The following MTUS2 variants were observed in gnomAD, a reference collection of about 807,000 sequenced individuals.
MTUS2 encodes microtubule-associated tumor suppressor candidate 2.
In MTUS2, 40 loss-of-function variants were observed where a neutral mutation model predicts 114.1. The ratio of observed to expected loss-of-function variants is 0.35; its 90% CI spans 0.27 to 0.46. The LOEUF is 0.46. Ranked by LOEUF, MTUS2 falls within the 20% of genes least tolerant of loss-of-function variation. The pLI, the probability that MTUS2 is intolerant of heterozygous loss-of-function variation, is 1.00. For synonymous variants in MTUS2, 688 were observed against 672.0 expected (o/e 1.02, Z -0.37); for missense variants, 1,679 against 1,705.4 (o/e 0.98, Z 0.27).
intron 6 of MTUS2, among the ~76,000 whole-genome samples, chr13:29,302,454 G>A (rs957879407): frequency 2.6e-5 from 4 of 152,138 alleles, no homozygotes; most frequent in African/African-American, 9.7e-5. Context: ...CACACACACA[G>A]TCCCAGGAGT....
intron 2 of MTUS2, among the ~76,000 whole-genome samples, chr13:29,015,007 T>C (rs7996643): frequency 0.067 from 10,197 of 152,198 alleles, 416 homozygotes; most frequent in African/African-American, 0.1. Context: ...AGGTGCACTG[T>C]GCTAGGGGAA....
rs578164574 is a variant in MTUS2 at position 29,026,204 on chromosome 13, C to T, written c.1506C>T (p.Val502=). 8.1e-6 allele frequency: 13 copies of T among 1,613,976 alleles called. No homozygotes were observed. The South Asian group carries it at 1.2e-4, about 15-fold the overall frequency. ...CAGAAGCACGGGAAAGCAAAGAGGT[C>T]ACCACATCTGTTGCTGAAAACAGGA... is the stretch of plus-strand genomic sequence containing the variant. ...GRSEARESKE[V]TTSVAENRNL... Residue 502 remains valine (V), a synonymous_variant, in exon 3 of 16, where the codon GTC becomes GTT. Coordinates refer to ENST00000612955, the MANE Select transcript of MTUS2 (RefSeq NM_001033602.4).
At position 29,088,175 on chromosome 13, in the gene MTUS2, A is replaced by T. The variant is rs536150696; in HGVS notation, c.2447-12598A>T. 2.0e-4 allele frequency among the ~76,000 whole-genome samples: 31 copies of T among 151,730 alleles called. No homozygotes were observed. The South Asian group carries it at 6.5e-3, about 32-fold the overall frequency. ...TGTCCCAGAGATTCTGGTATGTTGT[A>T]TGTTTGTTTTCATTAGTTTCAAAGA... is the stretch of plus-strand genomic sequence containing the variant. On this transcript the variant is annotated intron_variant, in intron 4 of 15. Transcript: ENST00000612955.
chr13:28,954,449 C>G (rs976198261), intron 2 of MTUS2, among the ~76,000 whole-genome samples: 1 of 152,172 alleles, frequency 6.6e-6, no homozygotes. Context: ...AGTTTCTTCT[C>G]TCATTAGTCC....
intron 2 of MTUS2, among the ~76,000 whole-genome samples, chr13:28,989,548 G>A (rs1884731906): frequency 6.6e-6 from 1 of 152,234 alleles, no homozygotes; most frequent in Non-Finnish European, 1.5e-5. Context: ...TGTTGGGGAT[G>A]GGAATGGAGG....
At chr13:28,941,930 G>A (rs71433292) in intron 2 of MTUS2, among the ~76,000 whole-genome samples, 6,107 of 152,128 alleles carry the variant, frequency 0.04, 142 homozygotes, top group Admixed American at 0.046. Flanking sequence ...CAGATCTTTC[G>A]TCTTTCAAAT....
chr13:29,292,305 C>G (rs1042597776), intron 6 of MTUS2, among the ~76,000 whole-genome samples: 1 of 152,200 alleles, frequency 6.6e-6, no homozygotes. Context: ...GTCCACTCAA[C>G]GTGTACCTAC....
intron 5 of MTUS2, among the ~76,000 whole-genome samples, chr13:29,235,574 G>A (rs900815205): frequency 6.6e-6 from 1 of 152,042 alleles, no homozygotes; most frequent in Non-Finnish European, 1.5e-5. Flanking sequence ...TAAACGTGTG[G>A]TCTGAAATGC....
At chr13:29,227,327 T>C (rs1468281331) in intron 5 of MTUS2, among the ~76,000 whole-genome samples, 1 of 151,982 alleles carries the variant, frequency 6.6e-6, no homozygotes, top group East Asian at 1.9e-4. Context: ...CGTGGTGTTA[T>C]GTCATGACAA....
chr13:29,457,025 G>A (rs1261943410), intron 9 of MTUS2, among the ~76,000 whole-genome samples: 7 of 151,244 alleles, frequency 4.6e-5, no homozygotes, highest in Non-Finnish European at 1.0e-4. Context: ...GGCACCTGTA[G>A]TCCCAGCTAC....
At chr13:29,421,006 G>T (rs1876057647) in intron 8 of MTUS2, among the ~76,000 whole-genome samples, 1 of 152,168 alleles carries the variant, frequency 6.6e-6, no homozygotes, top group African/African-American at 2.4e-5. Context: ...CTTTTGACAA[G>T]TATCTGAGAA....
At chr13:29,057,490 G>A (rs1280974538) in intron 4 of MTUS2, among the ~76,000 whole-genome samples, 1 of 152,152 alleles carries the variant, frequency 6.6e-6, no homozygotes, top group African/African-American at 2.4e-5. Flanking sequence ...TGTGTTGGGT[G>A]CATATGTATT....
At chr13:29,342,181 T>C (rs9506152) in intron 7 of MTUS2, among the ~76,000 whole-genome samples, 110,569 of 152,038 alleles carry the variant, frequency 0.73, 44,250 homozygotes, top group East Asian at 0.9. Flanking sequence ...TTTCTAGTTC[T>C]GTGAAGAATG....
At chr13:28,959,960 G>T (rs1478316493) in intron 2 of MTUS2, among the ~76,000 whole-genome samples, 1 of 152,158 alleles carries the variant, frequency 6.6e-6, no homozygotes, top group Non-Finnish European at 1.5e-5. Flanking sequence ...AACATAATAT[G>T]CAAAATGTCC....
At chr13:28,947,752 A>G (rs180821725) in intron 2 of MTUS2, among the ~76,000 whole-genome samples, 147 of 152,358 alleles carry the variant, frequency 9.6e-4, no homozygotes, top group African/African-American at 3.3e-3. Context: ...TAAGGAAAAT[A>G]TAAGTCATTT....
chr13:28,894,418 G>C (rs1879143851), intron 2 of MTUS2, among the ~76,000 whole-genome samples: 1 of 151,550 alleles, frequency 6.6e-6, no homozygotes, highest in African/African-American at 2.4e-5. Context: ...GCAAGAGGTT[G>C]ACCATCTGCA....
chr13:28,877,157 T>TA (rs1471295706), intron 2 of MTUS2, among the ~76,000 whole-genome samples: 3 of 139,716 alleles, frequency 2.1e-5, no homozygotes, highest in Non-Finnish European at 4.7e-5. Flanking sequence ...AACAAAAAAA[T>TA]ACAAAAAAAA....
chr13:29,179,003 G>T (rs1349869179), intron 5 of MTUS2, among the ~76,000 whole-genome samples: 1 of 152,198 alleles, frequency 6.6e-6, no homozygotes, highest in Admixed American at 6.5e-5. Flanking sequence ...TGCTTTGGCT[G>T]CCTACTTTCC....
At position 29,437,721 on chromosome 13, in the gene MTUS2, CAGA is replaced by C. The variant is rs528289936; in HGVS notation, c.3118-2261_3118-2259del. On this transcript the variant is annotated intron_variant, in intron 8 of 15. Coordinates refer to ENST00000612955, the MANE Select transcript of MTUS2 (RefSeq NM_001033602.4). Reference sequence around the variant, plus strand: ...AGTACTGTGGCAGCCACAGATTGGACAGATTGCTTAGGCCCAGGAATTTGTGAC... The same window carrying C: ...AGTACTGTGGCAGCCACAGATTGGACTTGCTTAGGCCCAGGAATTTGTGAC... Among the ~76,000 whole-genome samples, 76 of 152,218 alleles carry C rather than the reference CAGA, an allele frequency of 5.0e-4. No homozygotes were observed. The East Asian group carries it at 0.014, about 27-fold the overall frequency.
Sources: allele counts gnomAD v4.1 joint callset (sites outside exome capture counted in the v4.1 genomes callset), GRCh38; gene constraint gnomAD v4.1.1; transcripts MANE v1.5; gene names NCBI Gene and HGNC (gene_info 2026-07-23, HGNC 2026-07-21).